The following EPHB3 variants were observed in gnomAD, a reference collection of about 807,000 sequenced individuals.
EPHB3 encodes ephrin type-B receptor 3.
Under a neutral mutation model 100.2 loss-of-function variants are expected in EPHB3, and 33 were observed. The observed-to-expected ratio is 0.33, with a 90% CI of 0.25 to 0.44. The LOEUF (loss-of-function observed/expected upper bound fraction) is 0.44, where lower values mean the gene tolerates loss of function less well. Among genes scored for constraint, EPHB3 ranks in the 20% least tolerant of loss-of-function variants. The pLI is 1.00. For missense variants in EPHB3, 1,045 were observed against 1,378.3 expected (o/e 0.76, Z 3.83); for synonymous variants, 526 against 554.7 (o/e 0.95, Z 0.73).
rs1168802456 is a variant in EPHB3, at chr3:184,571,777, T to C, written c.183+395T>C. Among the ~76,000 whole-genome samples, 3 of 152,124 alleles carry C rather than the reference T, an allele frequency of 2.0e-5. No homozygotes were observed. The highest frequency in any genetic ancestry group is 4.4e-5 in the Non-Finnish European group (3 of 68,028). ...CCTTGGGCAAGGCCGTTTACCCCTCTGGGTGGCCACTTCTTGACTGTTAAA... is the reference window on the plus strand; with the variant it reads ...CCTTGGGCAAGGCCGTTTACCCCTCCGGGTGGCCACTTCTTGACTGTTAAA... On this transcript the variant is annotated intron_variant, in intron 2 of 15. Transcript: ENST00000330394. This position sits in a 1 kb window ranked among gnomAD's most constrained non-coding sequence, Gnocchi z 5.0.
chr3:184,574,390 A>G (rs1413859373), intron 3 of EPHB3, among the ~76,000 whole-genome samples: 3 of 152,222 alleles, frequency 2.0e-5, no homozygotes, highest in Admixed American at 2.0e-4. Context: ...TATTTCGCCA[A>G]TAAGGAAACT....
chr3:184,567,662 T>A (rs1386799356), intron 1 of EPHB3, among the ~76,000 whole-genome samples: 1 of 152,230 alleles, frequency 6.6e-6, no homozygotes, highest in Non-Finnish European at 1.5e-5. Context: ...GTAGTTTGTG[T>A]GACTAAAAGC....
At position 184,578,228 on chromosome 3, in the gene EPHB3, C is replaced by G; in HGVS notation, c.1749-186C>G. On this transcript the variant is annotated intron_variant, in intron 8 of 15. Coordinates refer to ENST00000330394, the MANE Select transcript of EPHB3 (RefSeq NM_004443.4). The surrounding 1 kb of genome is among the most constrained non-coding windows in gnomAD (Gnocchi z 4.7). ...TTCCCTGAATCTCCGGGCAGGTTCCCTAGGGACTGAGTCCACTGAACCCCT... is the reference window on the plus strand; with the variant it reads ...TTCCCTGAATCTCCGGGCAGGTTCCGTAGGGACTGAGTCCACTGAACCCCT... The G allele has an allele frequency of 2.1e-6, 2 of 935,968 alleles. No individual in the cohort carries two copies. The highest frequency in any genetic ancestry group is 3.2e-6 in the Non-Finnish European group (2 of 629,832). 58.0% of individuals were successfully genotyped at this position (935,968 alleles called of 1,614,324 possible).
At chr3:184,567,483 GT>G (rs1714416860) in intron 1 of EPHB3, among the ~76,000 whole-genome samples, 1 of 83,034 alleles carries the variant, frequency 1.2e-5, no homozygotes, top group Non-Finnish European at 2.9e-5. Flanking sequence ...CTTGCAGGGT[GT>G]GTGTGTGTGT....
chr3:184,578,399 C>G lies in EPHB3; in HGVS notation c.1749-15C>G. 6.2e-7 allele frequency: 1 copy of G among 1,613,768 alleles called. No individual in the cohort carries two copies. Among genetic ancestry groups the G allele is most frequent in the South Asian group, 1.1e-5 (1 of 91,074 alleles). ...GACTTGTCTCAGGCCTGCCCTCCAC[C>G]CTGCCACCCTACAGGAAGCAGCGAC... On this transcript the variant is annotated splice_polypyrimidine_tract_variant and intron_variant, in intron 8 of 15. Transcript: ENST00000330394. This position sits in a 1 kb window ranked among gnomAD's most constrained non-coding sequence, Gnocchi z 4.7.
In EPHB3 at chr3:184,572,042, A is replaced by G. The variant is rs1714551441; in HGVS notation, c.184-462A>G. On this transcript the variant is annotated intron_variant, in intron 2 of 15. Coordinates refer to ENST00000330394, the MANE Select transcript of EPHB3 (RefSeq NM_004443.4). This position sits in a 1 kb window ranked among gnomAD's most constrained non-coding sequence, Gnocchi z 6.6. The stretch of plus-strand genomic sequence containing the variant: ...GTTGTGAAGATTGAATGCGATGTTG[A>G]TAGTGACAGCCAGTAGCCCGGAAGT... Among the ~76,000 whole-genome samples the G allele has an allele frequency of 6.6e-6, 1 of 152,228 alleles. No individual in the cohort carries two copies. Among genetic ancestry groups the G allele is most frequent in the Admixed American group, 6.5e-5 (1 of 15,290 alleles).
At position 184,565,538 on chromosome 3, in the gene EPHB3, C is replaced by T. The variant is rs541370728; in HGVS notation, c.118+3185C>T. On this transcript the variant is annotated intron_variant, in intron 1 of 15. Transcript: ENST00000330394. This position sits in a 1 kb window ranked among gnomAD's most constrained non-coding sequence, Gnocchi z 4.8. ...GCCAGCACGTCCCCCTCCAGCCAAG[C>T]CTTGGTAGCTGAGTTGTCACTGCAG... Among the ~76,000 whole-genome samples, 4 of 152,270 alleles carry T rather than the reference C, an allele frequency of 2.6e-5. No homozygotes were observed. In the East Asian group the frequency reaches 7.7e-4, roughly 29 times the overall value.
At position 184,569,679 on chromosome 3, in the gene EPHB3, G is replaced by T. The variant is rs1424880844; in HGVS notation, c.119-1639G>T. ...CTGCAGTGAATGGCTGCTGCCTGCA[G>T]CCCCTTTGCCTGACATGGCGGGGGG... On this transcript the variant is annotated intron_variant, in intron 1 of 15. Coordinates refer to ENST00000330394, the MANE Select transcript of EPHB3 (RefSeq NM_004443.4). The surrounding 1 kb of genome is among the most constrained non-coding windows in gnomAD (Gnocchi z 5.4). 6.6e-6 allele frequency among the ~76,000 whole-genome samples: 1 copy of T among 152,264 alleles called. No individual in the cohort carries two copies. The highest frequency in any genetic ancestry group is 1.5e-5 in the Non-Finnish European group (1 of 68,048).
In EPHB3 at chr3:184,578,677, T is replaced by C. The variant is rs113222016; in HGVS notation, c.1801+211T>C. The stretch of plus-strand genomic sequence containing the variant: ...GCTAGCCCCAGAAATGACTGAGACG[T>C]GACCTCTCCCCCTAAAGGCAGTTAG... On this transcript the variant is annotated intron_variant, in intron 9 of 15. Transcript: ENST00000330394. This position sits in a 1 kb window ranked among gnomAD's most constrained non-coding sequence, Gnocchi z 4.7. 6.1e-3 allele frequency among the ~76,000 whole-genome samples: 921 copies of C among 152,224 alleles called. 8 individuals are homozygous for C. The highest frequency in any genetic ancestry group is 0.021 in the African/African-American group (868 of 41,524).
intron 15 of EPHB3, 36 bp downstream of exon 15, chr3:184,581,444 G>C (rs745594840): frequency 2.7e-5 from 43 of 1,586,620 alleles, no homozygotes; most frequent in Non-Finnish European, 3.6e-5. Flanking sequence ...GCAGGGCAGG[G>C]GGCCCTAGGC....
In EPHB3 at chr3:184,569,181, T is replaced by TCCGTCGGGCGGA. The variant is rs1553780180; in HGVS notation, c.119-2134_119-2133insTCGGGCGGACCG. Among the ~76,000 whole-genome samples, 1 of 133,300 alleles carries TCCGTCGGGCGGA rather than the reference T, an allele frequency of 7.5e-6. No individual in the cohort carries two copies. The highest frequency in any genetic ancestry group is 2.4e-4 in the East Asian group (1 of 4,140). The allele number at this position is 133,300 out of a possible 152,430, so 87.4% of individuals were successfully genotyped here. A position where few individuals can be genotyped will look rare whatever the true frequency, so the allele number is the denominator to read the frequency against. On this transcript the variant is annotated intron_variant, in intron 1 of 15. Transcript: ENST00000330394. The surrounding 1 kb of genome is among the most constrained non-coding windows in gnomAD (Gnocchi z 5.4). Reference sequence around the variant, plus strand: ...GGGAGCGGCTGGAGCCCCGGCCTGCTCCGGCGGGCGGACCGGCGGGCGGAC... The same window carrying TCCGTCGGGCGGA: ...GGGAGCGGCTGGAGCCCCGGCCTGCTCCGTCGGGCGGACCGGCGGGCGGACCGGCGGGCGGAC...
intron 1 of EPHB3, among the ~76,000 whole-genome samples, chr3:184,566,035 T>G (rs1577521199): frequency 6.6e-6 from 1 of 150,996 alleles, no homozygotes. Context: ...CTGGGGGGGG[T>G]GAAGGGTGGA....
At chr3:184,580,918 C>T in intron 13 of EPHB3, 40 bp downstream of exon 13, 3 of 1,607,074 alleles carry the variant, frequency 1.9e-6, no homozygotes, top group Middle Eastern at 1.7e-4. Context: ...TAGGTGGGTG[C>T]TGGCTGGGGA....
At chr3:184,575,777 T>A (rs1443828692) in intron 3 of EPHB3, 53 bp from the exon 4 acceptor site, 1 of 1,525,476 alleles carries the variant, frequency 6.6e-7, no homozygotes, top group East Asian at 2.4e-5. Flanking sequence ...TGCGGAGGTC[T>A]GGTGTCTGCA....
intron 4 of EPHB3, among the ~76,000 whole-genome samples, chr3:184,576,500 G>A (rs1176475916): frequency 2.6e-4 from 40 of 152,206 alleles, no homozygotes; most frequent in Admixed American, 2.6e-3. Context: ...TGTCCTAAAG[G>A]AGCTCACAAC....
Position 184,577,726 on chromosome 3 carries a change from C to T in EPHB3, c.1548C>T (p.Asp516=), listed in dbSNP as rs74912992. Residue 516 remains aspartate, a synonymous_variant, in exon 7 of 16, where the codon GAC becomes GAT. Coordinates refer to ENST00000330394, the MANE Select transcript of EPHB3 (RefSeq NM_004443.4). The surrounding 1 kb of genome is among the most constrained non-coding windows in gnomAD (Gnocchi z 4.9). ...TGCAGCTGGACGGGCTTCGGCCTGACGCCCGCTATGTGGTCCAGGTCCGTG... is the reference window on the plus strand; with the variant it reads ...TGCAGCTGGACGGGCTTCGGCCTGATGCCCGCTATGTGGTCCAGGTCCGTG... ...NSVQLDGLRP[D]ARYVVQVRAR... 9.0e-5 allele frequency: 145 copies of T among 1,611,428 alleles called. No homozygotes were observed. In the East Asian group the frequency reaches 1.4e-3, roughly 15 times the overall value.
Position 184,581,240 on chromosome 3 carries a change from CT to C in EPHB3, c.2733-11del. 6.3e-7 allele frequency: 1 copy of C among 1,597,846 alleles called. No individual in the cohort carries two copies. The highest frequency in any genetic ancestry group is 8.5e-7 in the Non-Finnish European group (1 of 1,170,468). On this transcript the variant is annotated splice_polypyrimidine_tract_variant and intron_variant, in intron 14 of 15. Coordinates refer to ENST00000330394, the MANE Select transcript of EPHB3 (RefSeq NM_004443.4). ...CCTTCAAGACTCACCAGGTCCTTCT[CT>C]TCTTCCCACAGCATGTCACAGCCCC...
rs1714840292 is a variant in EPHB3, at chr3:184,582,216, C to CA, written c.*595dup. On this transcript the variant is annotated 3_prime_UTR_variant, in exon 16 of 16. Coordinates refer to ENST00000330394, the MANE Select transcript of EPHB3 (RefSeq NM_004443.4). ...GGCTGAGGAGTTGCCCTTTGCCCCC[C>CA]AGAGACTGACTCTCAGAGCCAGAGA... The CA allele has an allele frequency of 6.2e-6, 1 of 162,096 alleles. No individual in the cohort carries two copies. Among genetic ancestry groups the CA allele is most frequent in the African/African-American group, 2.4e-5 (1 of 41,460 alleles). 10.0% of individuals were successfully genotyped at this position (162,096 alleles called of 1,614,324 possible).
Position 184,578,570 on chromosome 3 carries a change from G to A in EPHB3, c.1801+104G>A. 1.4e-6 allele frequency: 2 copies of A among 1,447,044 alleles called. No individual in the cohort carries two copies. Among genetic ancestry groups the A allele is most frequent in the Non-Finnish European group, 1.9e-6 (2 of 1,046,534 alleles). The allele number at this position is 1,447,044 out of a possible 1,614,324, so 89.6% of individuals were successfully genotyped here. A position where few individuals can be genotyped will look rare whatever the true frequency, so the allele number is the denominator to read the frequency against. On this transcript the variant is annotated intron_variant, in intron 9 of 15. Transcript: ENST00000330394. This position sits in a 1 kb window ranked among gnomAD's most constrained non-coding sequence, Gnocchi z 4.7. ...ACTTCATTCCTTAGAGATAAACCCT[G>A]AATGCCCCCTCCCACTTCCAGTCAA...
Sources: gnomAD v4.1 joint callset for allele counts (sites outside exome capture counted in the v4.1 genomes callset) on GRCh38, gnomAD v4.1.1 for gene constraint, Gnocchi (gnomAD v3.1) non-coding constraint, MANE v1.5 for transcripts, NCBI Gene and HGNC (gene_info 2026-07-23, HGNC 2026-07-21) for gene names.